Variants in NMD3 observed in about 807,000 individuals in gnomAD.
NMD3 encodes the protein 60S ribosomal export protein NMD3.
Under a neutral mutation model 73.1 loss-of-function variants are expected in NMD3, and 47 were observed. That is an observed-to-expected ratio of 0.64 (90% CI 0.51 to 0.82). The LOEUF (loss-of-function observed/expected upper bound fraction) is 0.82, where lower values mean the gene tolerates loss of function less well. Ranked by LOEUF, NMD3 falls within the 40% of genes least tolerant of loss-of-function variation. The pLI, the probability that NMD3 is intolerant of heterozygous loss-of-function variation, is 0.00. For missense variants in NMD3, 554 were observed against 612.5 expected, an observed-to-expected ratio of 0.90 and a Z score of 1.01; for synonymous variants, 210 against 194.5, an observed-to-expected ratio of 1.08 and a Z score of -0.66.
At chr3:161,230,293 C>A (rs570855188) in intron 4 of NMD3, among the ~76,000 whole-genome samples, 29 of 152,106 alleles carry the variant, frequency 1.9e-4, no homozygotes, top group African/African-American at 6.7e-4. Flanking sequence ...GGTGAGATCT[C>A]TCTCTTTCTC....
Position 161,234,771 on chromosome 3 carries a change from T to C in NMD3, c.402T>C (p.Tyr134=). Residue 134 remains tyrosine (Y), a synonymous_variant, in exon 6 of 16, where the codon TAT becomes TAC. Coordinates refer to ENST00000351193, the MANE Select transcript of NMD3 (RefSeq NM_015938.5). The stretch of plus-strand genomic sequence containing the variant: ...TTCAACAAGTGTTTGTGGTGGATTA[T>C]GTTGTTCAGTCCCAAATGTGTGGAG... The part of the protein sequence containing the change: ...AILQQVFVVD[Y]VVQSQMCGDC... The C allele has an allele frequency of 6.2e-7, 1 of 1,613,078 alleles. No homozygotes were observed. Among genetic ancestry groups the C allele is most frequent in the Non-Finnish European group, 8.5e-7 (1 of 1,179,246 alleles).
chr3:161,222,793 A>G (rs1006198755), intron 2 of NMD3: 4 of 152,200 alleles, frequency 2.6e-5, no homozygotes, highest in African/African-American at 9.7e-5. Context: ...GGAAAACAGT[A>G]ACTATGGAGA....
In NMD3 at chr3:161,250,954, G is replaced by A; in HGVS notation, c.*44G>A. ...TTCCATACATGGGCTTAAGAAGTTGGACAGAGTTACCTTAAGTGTCTCTAC... is the reference window on the plus strand; with the variant it reads ...TTCCATACATGGGCTTAAGAAGTTGAACAGAGTTACCTTAAGTGTCTCTAC... On this transcript the variant is annotated 3_prime_UTR_variant, in exon 16 of 16. Coordinates refer to ENST00000351193, the MANE Select transcript of NMD3 (RefSeq NM_015938.5). The A allele has an allele frequency of 6.4e-7, 1 of 1,560,902 alleles. No homozygotes were observed. The highest frequency in any genetic ancestry group is 1.1e-5 in the South Asian group (1 of 87,328).
At chr3:161,242,680 A>AT (rs747472690) in intron 11 of NMD3, 27 bp downstream of exon 11, 536 of 1,564,164 alleles carry the variant, frequency 3.4e-4, no homozygotes, top group South Asian at 9.5e-4. Context: ...CTGCCAGTGT[A>AT]TTTTTTTTTC....
intron 2 of NMD3, 72 bp from the exon 3 acceptor site, chr3:161,224,858 T>G: frequency 7.0e-7 from 1 of 1,430,924 alleles, no homozygotes; most frequent in Non-Finnish European, 9.5e-7. Flanking sequence ...CTTTTGTTTG[T>G]TTGGCATCTA....
chr3:161,233,912 A>G (rs975406801), intron 5 of NMD3, among the ~76,000 whole-genome samples: 1 of 150,960 alleles, frequency 6.6e-6, no homozygotes, highest in African/African-American at 2.5e-5. Context: ...ATTATACTTA[A>G]CTGGTTGAAC....
At chr3:161,232,303 C>T (rs1736574549) in intron 4 of NMD3, among the ~76,000 whole-genome samples, 1 of 152,116 alleles carries the variant, frequency 6.6e-6, no homozygotes, top group African/African-American at 2.4e-5. Context: ...TTTGCATCTA[C>T]ACTAAAAGTG....
chr3:161,247,748 C>T (rs549160506), intron 13 of NMD3, among the ~76,000 whole-genome samples: 6 of 149,452 alleles, frequency 4.0e-5, no homozygotes, highest in East Asian at 4.0e-4. Context: ...GAGATTGCGC[C>T]GTTGCACTCC....
intron 4 of NMD3, among the ~76,000 whole-genome samples, chr3:161,229,294 G>A (rs1257408157): frequency 6.6e-6 from 1 of 152,192 alleles, no homozygotes; most frequent in Non-Finnish European, 1.5e-5. Context: ...TGTAAGGGAG[G>A]TAAAGGTGTT....
intron 4 of NMD3, among the ~76,000 whole-genome samples, chr3:161,230,355 T>TATTG (rs1267931882): frequency 2.0e-5 from 3 of 152,156 alleles, no homozygotes; most frequent in Non-Finnish European, 2.9e-5. Flanking sequence ...CAGACTGGTG[T>TATTG]TGAACTCCTG....
chr3:161,222,145 G>A, intron 2 of NMD3, 88 bp downstream of exon 2: 1 of 1,018,856 alleles, frequency 9.8e-7, no homozygotes, highest in Non-Finnish European at 1.5e-6. Flanking sequence ...TTGAGGGTGG[G>A]TGGGAAAGAG....
At chr3:161,229,095 A>C (rs1206894146) in intron 4 of NMD3, among the ~76,000 whole-genome samples, 1 of 152,134 alleles carries the variant, frequency 6.6e-6, no homozygotes, top group Non-Finnish European at 1.5e-5. Context: ...AATAGAACGG[A>C]GTGGTGAGGG....
intron 9 of NMD3, among the ~76,000 whole-genome samples, chr3:161,239,250 CAT>C (rs1286468128): frequency 1.3e-5 from 2 of 152,062 alleles, no homozygotes; most frequent in African/African-American, 4.8e-5. Context: ...AAAATGAGAT[CAT>C]AGAATCATTT....
downstream of NMD3, chr3:161,252,955 C>T (rs916291497): frequency 3.3e-5 from 16 of 482,494 alleles, 1 homozygote; most frequent in South Asian, 1.5e-4. Flanking sequence ...AAAAATTATC[C>T]GGGCGTGGTG....
chr3:161,224,976 AT>A lies in NMD3; in HGVS notation c.94del (p.Cys32ValfsTer42). 6.2e-7 allele frequency: 1 copy of A among 1,613,906 alleles called. No homozygotes were observed. Among genetic ancestry groups the A allele is most frequent in the Non-Finnish European group, 8.5e-7 (1 of 1,179,936 alleles). ...GVPISPNPANICVACLRSKVD... is the reference protein window; with the variant it reads ...GVPISPNPANXCVACLRSKVD... The stretch of plus-strand genomic sequence containing the variant: ...TCCGATAAGTCCAAATCCTGCCAAT[AT>A]TTGTGTGGCCTGTTTGCGAAGTAAA... On this transcript the variant is annotated frameshift_variant, in exon 3 of 16. Transcript: ENST00000351193. LOFTEE classifies it high-confidence loss of function.
intron 5 of NMD3, among the ~76,000 whole-genome samples, chr3:161,233,715 G>A (rs1243319079): frequency 6.6e-6 from 1 of 152,054 alleles, no homozygotes; most frequent in African/African-American, 2.4e-5. Flanking sequence ...AAGGATTGAA[G>A]TAAAAACATG....
At chr3:161,253,351 G>C (rs1190168463), downstream of NMD3, 1 of 152,086 alleles carries the variant, frequency 6.6e-6, no homozygotes, top group Non-Finnish European at 1.5e-5. Flanking sequence ...CCAGCCCAAG[G>C]AATGTTTATT....
chr3:161,238,739 A>C lies in NMD3; in HGVS notation c.666A>C (p.Ala222=). The C allele has an allele frequency of 6.5e-7, 1 of 1,527,480 alleles. No homozygotes were observed. The highest frequency in any genetic ancestry group is 9.1e-7 in the Non-Finnish European group (1 of 1,104,030). The allele number at this position is 1,527,480 out of a possible 1,614,324, so 94.6% of individuals were successfully genotyped here. The change falls in exon 9 of 16, where the codon GCA becomes GCC. Residue 222 remains alanine, a synonymous_variant. Transcript: ENST00000351193. The part of the protein sequence containing the change: ...LQCTVPCRYK[A]SQRLISQDIH... The stretch of plus-strand genomic sequence containing the variant: ...ACTTTTTTCTTAATAGATACAAAGC[A>C]TCACAAAGACTGATCTCTCAAGATA...
intron 12 of NMD3, among the ~76,000 whole-genome samples, chr3:161,246,934 T>G (rs952578083): frequency 1.4e-4 from 5 of 35,238 alleles, no homozygotes; most frequent in African/African-American, 2.6e-4. Flanking sequence ...GAATGAGGTG[T>G]TTTTTTTTTG....
Sources: gnomAD v4.1 joint callset for allele counts (sites outside exome capture counted in the v4.1 genomes callset) on GRCh38, gnomAD v4.1.1 for gene constraint, MANE v1.5 for transcripts, NCBI Gene and HGNC (gene_info 2026-07-23, HGNC 2026-07-21) for gene names.